The following LRCH4 variants were observed in gnomAD, a reference collection of about 807,000 sequenced individuals.
LRCH4 encodes leucine-rich repeat and calponin homology domain-containing protein 4.
LRCH4 carries 56 observed loss-of-function variants against 81.2 expected under a neutral mutation model. The ratio of observed to expected loss-of-function variants is 0.69; its 90% CI spans 0.56 to 0.86. The LOEUF is 0.86. LRCH4 is among the 40% of genes least tolerant of loss of function. LRCH4 has a pLI of 0.00. For synonymous variants in LRCH4, 442 were observed against 409.7 expected, an observed-to-expected ratio of 1.08 and a Z score of -0.95; for missense variants, 895 against 922.8, an observed-to-expected ratio of 0.97 and a Z score of 0.39.
Position 100,583,029 on chromosome 7 carries a change from C to A in LRCH4, c.221-570G>T, listed in dbSNP as rs1196087580. ...GACACCGGACGAGTTTTTCGCCAGCCCCAAGGACCAGCAAGCCAGGTCCAA... is the reference window on the plus strand; with the variant it reads ...GACACCGGACGAGTTTTTCGCCAGCACCAAGGACCAGCAAGCCAGGTCCAA... On this transcript the variant is annotated intron_variant, in intron 1 of 17. Transcript: ENST00000310300. This position sits in a 1 kb window ranked among gnomAD's most constrained non-coding sequence, Gnocchi z 4.3. 1.3e-5 allele frequency among the ~76,000 whole-genome samples: 2 copies of A among 152,144 alleles called. No individual in the cohort carries two copies. Among genetic ancestry groups the A allele is most frequent in the East Asian group, 3.9e-4 (2 of 5,184 alleles).
rs749543486 is a variant in LRCH4, at chr7:100,581,767, T to C, written c.598+10A>G. The stretch of plus-strand genomic sequence containing the variant: ...CAAACACCTCCTCTCCAGTTCTTCA[T>C]TCTTCTCACCTTCGGGCAGCGTACT... On this transcript the variant is annotated intron_variant, in intron 4 of 17. Coordinates refer to ENST00000310300, the MANE Select transcript of LRCH4 (RefSeq NM_002319.5). 5 of 1,613,596 alleles carry C rather than the reference T, an allele frequency of 3.1e-6. No homozygotes were observed. In the Admixed American group the frequency reaches 6.7e-5, roughly 22 times the overall value.
At position 100,578,819 on chromosome 7, in the gene LRCH4, C is replaced by T. The variant is rs761029624; in HGVS notation, c.599-33G>A. 10 of 1,606,790 alleles carry T rather than the reference C, an allele frequency of 6.2e-6. No homozygotes were observed. The Admixed American group carries it at 1.5e-4, about 24-fold the overall frequency. ...AGGTGGGCAAGGGAAAAGTCAGGAA[C>T]ATGCTCAGGGCTGTGGCCTCGTGCT... On this transcript the variant is annotated intron_variant, in intron 4 of 17. Coordinates refer to ENST00000310300, the MANE Select transcript of LRCH4 (RefSeq NM_002319.5). The surrounding 1 kb of genome is among the most constrained non-coding windows in gnomAD (Gnocchi z 5.7).
At position 100,578,425 on chromosome 7, in the gene LRCH4, A is replaced by T; in HGVS notation, c.822T>A (p.Pro274=). The change falls in exon 6 of 18, where the codon CCT becomes CCA. Residue 274 remains proline (P), a synonymous_variant. Coordinates refer to ENST00000310300, the MANE Select transcript of LRCH4 (RefSeq NM_002319.5). This position sits in a 1 kb window ranked among gnomAD's most constrained non-coding sequence, Gnocchi z 5.7. ...QRGSALGDLA[P]SRPPSFSPCP... is the part of the protein sequence containing the mutation. ...AGGGACTGAAACTCGGGGGCCGAGA[A>T]GGGGCCAGGTCCCCCAGGGCCGACC... is the stretch of plus-strand genomic sequence containing the variant. 1.2e-6 allele frequency: 2 copies of T among 1,613,908 alleles called. No homozygotes were observed. The highest frequency in any genetic ancestry group is 1.7e-6 in the Non-Finnish European group (2 of 1,179,918).
chr7:100,585,110 A>C (rs1168029495), intron 1 of LRCH4: 1 of 219,056 alleles, frequency 4.6e-6, no homozygotes, highest in Non-Finnish European at 9.5e-6. Flanking sequence ...CCCAGCTAGG[A>C]GATAAGATTT....
Position 100,577,681 on chromosome 7 carries a change from C to T in LRCH4, c.1099G>A (p.Glu367Lys). ...GCTCTCACCTCCACAGTGCCTCGCT[C>T]TTCATCCTCCCCGGGGACATGGCTG... ...IDSHVPGEDE[E>K]RGTVEEQRPP... The change falls in exon 9 of 18, where the codon GAG becomes AAG. Residue 367 changes from glutamate to lysine, a missense_variant. By Grantham distance (56) the Glu-to-Lys change is moderately conservative. Transcript: ENST00000310300. The surrounding 1 kb of genome is among the most constrained non-coding windows in gnomAD (Gnocchi z 6.7). 1.9e-6 allele frequency: 3 copies of T among 1,613,954 alleles called. No individual in the cohort carries two copies. The highest frequency in any genetic ancestry group is 2.5e-6 in the Non-Finnish European group (3 of 1,179,988).
At chr7:100,584,367 C>A (rs959698750) in intron 1 of LRCH4, among the ~76,000 whole-genome samples, 1 of 151,794 alleles carries the variant, frequency 6.6e-6, no homozygotes, top group Non-Finnish European at 1.5e-5. Flanking sequence ...ATTTCCGACC[C>A]CCCCCCAAGC....
intron 4 of LRCH4, among the ~76,000 whole-genome samples, chr7:100,581,475 A>G (rs1286184371): frequency 6.6e-6 from 1 of 152,182 alleles, no homozygotes; most frequent in Non-Finnish European, 1.5e-5. Flanking sequence ...AATTGAGATC[A>G]TGAGGGTGGA....
In LRCH4 at chr7:100,578,577, T is replaced by C; in HGVS notation, c.736-66A>G. ...GGCAGCTCCCCGGATCCTGCTCAGC[T>C]ATCCAAGGGGACCAACCCCACTCCT... On this transcript the variant is annotated intron_variant, in intron 5 of 17. Coordinates refer to ENST00000310300, the MANE Select transcript of LRCH4 (RefSeq NM_002319.5). This position sits in a 1 kb window ranked among gnomAD's most constrained non-coding sequence, Gnocchi z 5.7. 2 of 1,600,636 alleles carry C rather than the reference T, an allele frequency of 1.2e-6. No individual in the cohort carries two copies. Among genetic ancestry groups the C allele is most frequent in the South Asian group, 2.2e-5 (2 of 89,464 alleles).
rs545907901 is a variant in LRCH4 at position 100,577,739 on chromosome 7, C to T, written c.1041G>A (p.Ala347=). The change falls in exon 9 of 18, where the codon GCG becomes GCA. Residue 347 remains alanine, a splice_region_variant and synonymous_variant. Transcript: ENST00000310300. This position sits in a 1 kb window ranked among gnomAD's most constrained non-coding sequence, Gnocchi z 6.7. ...AGTCAATCTGCACAGGGTCTCCGTC[C>T]GCTGGGGAGGCCAGCATGTCAGCAA... ...GPRERKEDGS[A]DGDPVQIDFI... is the part of the protein sequence containing the mutation. 3.2e-5 allele frequency: 51 copies of T among 1,614,112 alleles called. No individual in the cohort carries two copies. In the East Asian group the frequency reaches 5.8e-4, roughly 18 times the overall value.
At chr7:100,580,494 C>A in intron 4 of LRCH4, 1 of 150,226 alleles carries the variant, frequency 6.7e-6, no homozygotes, top group Non-Finnish European at 1.5e-5. Flanking sequence ...ACACAAACAA[C>A]ATGCACAACA....
In LRCH4 at chr7:100,576,235, C is replaced by T; in HGVS notation, c.1638+3G>A. Reference sequence around the variant, plus strand: ...TGCCCACGCAGCTCCCGCCTCTGCTCACCTGGCGCAGCTGAGTCATTAAGT... The same window carrying T: ...TGCCCACGCAGCTCCCGCCTCTGCTTACCTGGCGCAGCTGAGTCATTAAGT... On this transcript the variant is annotated splice_donor_region_variant and intron_variant, in intron 15 of 17. Transcript: ENST00000310300. 6.2e-7 allele frequency: 1 copy of T among 1,613,906 alleles called. No homozygotes were observed. Among genetic ancestry groups the T allele is most frequent in the South Asian group, 1.1e-5 (1 of 91,010 alleles).
Position 100,585,878 on chromosome 7 carries a change from C to T in LRCH4, c.220+3G>A. On this transcript the variant is annotated splice_donor_region_variant and intron_variant, in intron 1 of 17. Coordinates refer to ENST00000310300, the MANE Select transcript of LRCH4 (RefSeq NM_002319.5). The stretch of plus-strand genomic sequence containing the variant: ...GTTGGGCCCGGGGCCCGGCTGCACT[C>T]ACCAGCCTGGGTGATGTCTGACAGG... 1 of 1,599,550 alleles carries T rather than the reference C, an allele frequency of 6.3e-7. No individual in the cohort carries two copies. The highest frequency in any genetic ancestry group is 1.1e-5 in the South Asian group (1 of 90,012).
In LRCH4 at chr7:100,578,794, A is replaced by AG. The variant is rs1199438704; in HGVS notation, c.599-9dup. 12 of 1,612,228 alleles carry AG rather than the reference A, an allele frequency of 7.4e-6. No individual in the cohort carries two copies. The highest frequency in any genetic ancestry group is 1.0e-5 in the Non-Finnish European group (12 of 1,179,496). ...GAGGGAGGTCCCCCAGCTCTGGAAC[A>AG]GGTGGGCAAGGGAAAAGTCAGGAAC... On this transcript the variant is annotated splice_polypyrimidine_tract_variant and intron_variant, in intron 4 of 17. Coordinates refer to ENST00000310300, the MANE Select transcript of LRCH4 (RefSeq NM_002319.5). The surrounding 1 kb of genome is among the most constrained non-coding windows in gnomAD (Gnocchi z 5.7).
chr7:100,577,748 G>A lies in LRCH4; in HGVS notation c.1040-8C>T, dbSNP rs1361461136. 4.3e-6 allele frequency: 7 copies of A among 1,614,122 alleles called. No individual in the cohort carries two copies. The highest frequency in any genetic ancestry group is 5.9e-6 in the Non-Finnish European group (7 of 1,179,994). ...GCACAGGGTCTCCGTCCGCTGGGGA[G>A]GCCAGCATGTCAGCAAGTGAGCGGG... On this transcript the variant is annotated splice_region_variant and splice_polypyrimidine_tract_variant and intron_variant, in intron 8 of 17. Transcript: ENST00000310300. The surrounding 1 kb of genome is among the most constrained non-coding windows in gnomAD (Gnocchi z 6.7).
chr7:100,578,777 T>C lies in LRCH4; in HGVS notation c.608A>G (p.Asp203Gly). The stretch of plus-strand genomic sequence containing the variant: ...GAAATCCAGGCGGACCAGAGGGAGG[T>C]CCCCCAGCTCTGGAACAGGTGGGCA... ...QLSTLPEELG[D>G]LPLVRLDFSC... is the part of the protein sequence containing the mutation. The change falls in exon 5 of 18, where the codon GAC becomes GGC. Residue 203 changes from aspartate (D) to glycine (G), a missense_variant. Around this residue, in one of 3 missense-constraint regions of LRCH4, gnomAD observed 360 missense variants for 397.0 expected, o/e 0.91. Coordinates refer to ENST00000310300, the MANE Select transcript of LRCH4 (RefSeq NM_002319.5). This position sits in a 1 kb window ranked among gnomAD's most constrained non-coding sequence, Gnocchi z 5.7. 6.2e-7 allele frequency: 1 copy of C among 1,612,786 alleles called. No homozygotes were observed. Among genetic ancestry groups the C allele is most frequent in the Non-Finnish European group, 8.5e-7 (1 of 1,179,818 alleles).
In LRCH4 at chr7:100,578,413, C is replaced by A. The variant is rs762768568; in HGVS notation, c.834G>T (p.Pro278=). Residue 278 remains proline, a synonymous_variant, in exon 6 of 18, where the codon CCG becomes CCT. Coordinates refer to ENST00000310300, the MANE Select transcript of LRCH4 (RefSeq NM_002319.5). This position sits in a 1 kb window ranked among gnomAD's most constrained non-coding sequence, Gnocchi z 5.7. ...CTAGGACTTACCAGGGACTGAAACT[C>A]GGGGGCCGAGAAGGGGCCAGGTCCC... ...ALGDLAPSRP[P]SFSPCPAEDL... 1 of 1,613,708 alleles carries A rather than the reference C, an allele frequency of 6.2e-7. No homozygotes were observed. The highest frequency in any genetic ancestry group is 8.5e-7 in the Non-Finnish European group (1 of 1,179,802).
In LRCH4 at chr7:100,575,640, C is replaced by CGT. The variant is rs1801330297; in HGVS notation, c.1854+64_1854+65insAC. ...GACATCCGCTGCAAATGGAAGCCCA[C>CGT]CATCCATGCCACATGCTCGGCTGAG... On this transcript the variant is annotated intron_variant, in intron 17 of 17. Transcript: ENST00000310300. This position sits in a 1 kb window ranked among gnomAD's most constrained non-coding sequence, Gnocchi z 5.3. 6.4e-7 allele frequency: 1 copy of CGT among 1,565,144 alleles called. No individual in the cohort carries two copies. Among genetic ancestry groups the CGT allele is most frequent in the Non-Finnish European group, 8.8e-7 (1 of 1,135,372 alleles).
In LRCH4 at chr7:100,577,787, G is replaced by C. The variant is rs117270250; in HGVS notation, c.1039+35C>G. On this transcript the variant is annotated intron_variant, in intron 8 of 17. Transcript: ENST00000310300. This position sits in a 1 kb window ranked among gnomAD's most constrained non-coding sequence, Gnocchi z 6.7. The stretch of plus-strand genomic sequence containing the variant: ...CAAGTGAGCGGGGACCCAGGCCCTG[G>C]TCCAGCCCAGCTCCCGGCCAGCCCT... 18,069 of 1,613,394 alleles carry C rather than the reference G, an allele frequency of 0.011. 153 individuals are homozygous for C. The highest frequency in any genetic ancestry group is 0.013 in the Non-Finnish European group (15,155 of 1,179,384).
Position 100,582,781 on chromosome 7 carries a change from G to A in LRCH4, c.221-322C>T, listed in dbSNP as rs937890234. 3.9e-4 allele frequency among the ~76,000 whole-genome samples: 60 copies of A among 152,204 alleles called. No homozygotes were observed. Among genetic ancestry groups the A allele is most frequent in the African/African-American group, 1.4e-3 (56 of 41,450 alleles). ...ACTCCTGTGGTTCCTGTTCAGAGAT[G>A]CCAGGTGAGGCGGAGGACCGAAGGT... On this transcript the variant is annotated intron_variant, in intron 1 of 17. Transcript: ENST00000310300. The surrounding 1 kb of genome is among the most constrained non-coding windows in gnomAD (Gnocchi z 5.0).
Sources: allele counts gnomAD v4.1 joint callset (sites outside exome capture counted in the v4.1 genomes callset), GRCh38; gene constraint gnomAD v4.1.1; regional missense constraint gnomAD v4.1.1; non-coding constraint Gnocchi (gnomAD v3.1); transcripts MANE v1.5; gene names NCBI Gene and HGNC (gene_info 2026-07-23, HGNC 2026-07-21).